PAX5: variants seen among roughly 807,000 people sequenced by gnomAD.
PAX5 encodes the protein paired box protein Pax-5.
Under a neutral mutation model 43.7 loss-of-function variants are expected in PAX5, and 9 were observed. That is an observed-to-expected ratio of 0.21 (90% CI 0.12 to 0.36). The LOEUF (loss-of-function observed/expected upper bound fraction) is 0.36, where lower values mean the gene tolerates loss of function less well. Ranked by LOEUF, PAX5 falls within the 10% of genes least tolerant of loss-of-function variation. The pLI, the probability that PAX5 is intolerant of heterozygous loss-of-function variation, is 1.00. For missense variants in PAX5, 383 were observed against 532.7 expected (o/e 0.72, Z 2.77); for synonymous variants, 228 against 214.3 (o/e 1.06, Z -0.56).
At chr9:36,894,448 G>A (rs1563940556) in intron 7 of PAX5, among the ~76,000 whole-genome samples, 2 of 152,206 alleles carry the variant, frequency 1.3e-5, no homozygotes, top group Admixed American at 6.5e-5. Flanking sequence ...TTCTGGATTT[G>A]GGGATGTGAA....
chr9:36,917,218 G>A (rs1829795444), intron 7 of PAX5, among the ~76,000 whole-genome samples: 1 of 152,120 alleles, frequency 6.6e-6, no homozygotes, highest in East Asian at 1.9e-4. Flanking sequence ...TCCTGCTTGG[G>A]CCTAACAAAG....
intron 1 of PAX5, among the ~76,000 whole-genome samples, chr9:37,030,920 A>G (rs1840921648): frequency 6.6e-6 from 1 of 152,252 alleles, no homozygotes; most frequent in South Asian, 2.1e-4. Context: ...TCAGTTCTGG[A>G]AAGATCAGGG....
intron 8 of PAX5, among the ~76,000 whole-genome samples, chr9:36,854,946 C>A (rs1245181030): frequency 6.6e-6 from 1 of 152,236 alleles, no homozygotes; most frequent in Non-Finnish European, 1.5e-5. Context: ...CCCCAGGGAG[C>A]CTGGCGTGGA....
chr9:37,002,288 G>A (rs1042524586), intron 5 of PAX5, among the ~76,000 whole-genome samples: 2 of 152,160 alleles, frequency 1.3e-5, no homozygotes, highest in Non-Finnish European at 2.9e-5. Flanking sequence ...CCACAAAGTG[G>A]ACTTGGGTGT....
At chr9:36,991,495 T>C (rs1836934673) in intron 5 of PAX5, among the ~76,000 whole-genome samples, 1 of 151,874 alleles carries the variant, frequency 6.6e-6, no homozygotes, top group Non-Finnish European at 1.5e-5. Context: ...CCCAGAAAGG[T>C]TTATATCAAG....
At chr9:36,860,328 C>T (rs1448572514) in intron 8 of PAX5, among the ~76,000 whole-genome samples, 1 of 149,038 alleles carries the variant, frequency 6.7e-6, no homozygotes, top group Non-Finnish European at 1.5e-5. Flanking sequence ...CAGAGCAAGA[C>T]TGTCTCAAAA....
chr9:36,846,350 C>G (rs1176568788), intron 9 of PAX5, among the ~76,000 whole-genome samples: 7 of 152,202 alleles, frequency 4.6e-5, no homozygotes, highest in Admixed American at 4.6e-4. Context: ...CAACCAGGTT[C>G]TAACAGAGCC....
At chr9:37,025,046 G>A (rs1355358138) in intron 1 of PAX5, among the ~76,000 whole-genome samples, 1 of 152,212 alleles carries the variant, frequency 6.6e-6, no homozygotes, top group Non-Finnish European at 1.5e-5. Flanking sequence ...CCAGAGCCAG[G>A]CTGGAGTCCG....
intron 8 of PAX5, among the ~76,000 whole-genome samples, chr9:36,860,468 C>T (rs73648143): frequency 0.01 from 1,537 of 152,174 alleles, 26 homozygotes; most frequent in African/African-American, 0.035. Flanking sequence ...TCCAAGGTGA[C>T]GCCAATGTAC....
intron 9 of PAX5, among the ~76,000 whole-genome samples, chr9:36,841,418 C>T (rs1426071510): frequency 6.6e-6 from 1 of 152,280 alleles, no homozygotes; most frequent in Non-Finnish European, 1.5e-5. Context: ...CACCCTCACC[C>T]CTTTTCCCAT....
intron 8 of PAX5, among the ~76,000 whole-genome samples, chr9:36,881,627 T>A (rs1477743619): frequency 6.6e-6 from 1 of 150,744 alleles, no homozygotes; most frequent in Non-Finnish European, 1.5e-5. Flanking sequence ...TGCTTGTTCG[T>A]GTCACACGAT....
chr9:36,911,455 C>T (rs1467594224), intron 7 of PAX5, among the ~76,000 whole-genome samples: 2 of 152,196 alleles, frequency 1.3e-5, no homozygotes, highest in East Asian at 1.9e-4. Context: ...GCCACACGCC[C>T]GGCCCACAGA....
intron 6 of PAX5, among the ~76,000 whole-genome samples, chr9:36,927,519 C>T (rs189513163): frequency 4.6e-5 from 7 of 152,280 alleles, no homozygotes; most frequent in African/African-American, 1.7e-4. Flanking sequence ...TTTGGATCAT[C>T]TTTTTAAGAC....
rs58220286 is a variant in PAX5 at position 36,920,803 on chromosome 9, CTTTT to C, written c.910+2548_910+2551del. ...CTCAACCTGTATAGTATAGACATAG[CTTTT>C]TTTTTTTTTTTTTTTTTTTTTTTGA... On this transcript the variant is annotated intron_variant, in intron 7 of 9. Coordinates refer to ENST00000358127, the MANE Select transcript of PAX5 (RefSeq NM_016734.3). Among the ~76,000 whole-genome samples the C allele has an allele frequency of 2.7e-3, 247 of 91,238 alleles. 1 individual carries two copies. The highest frequency in any genetic ancestry group is 8.7e-3 in the African/African-American group (234 of 26,994). 59.9% of individuals were successfully genotyped at this position (91,238 alleles called of 152,430 possible). A position where few individuals can be genotyped will look rare whatever the true frequency, so the allele number is the denominator to read the frequency against.
intron 5 of PAX5, among the ~76,000 whole-genome samples, chr9:36,970,618 AG>A (rs1210138536): frequency 1.3e-5 from 2 of 152,094 alleles, no homozygotes; most frequent in Non-Finnish European, 2.9e-5. Context: ...CAGGGGAGGT[AG>A]GAGCTTGCAT....
At chr9:36,894,979 G>A (rs573955590) in intron 7 of PAX5, among the ~76,000 whole-genome samples, 2 of 152,370 alleles carry the variant, frequency 1.3e-5, no homozygotes, top group Non-Finnish European at 2.9e-5. Context: ...TAAGGGAGGA[G>A]GAAGGGGAAC....
rs189242780 is a variant in PAX5 at position 36,840,117 on chromosome 9, G to A, written c.*443C>T. ...ACCAAGAGTGCGAGATGCATCATGG[G>A]TGGAGCAGTCTTCTCAGTCGGACCT... On this transcript the variant is annotated 3_prime_UTR_variant, in exon 10 of 10. Coordinates refer to ENST00000358127, the MANE Select transcript of PAX5 (RefSeq NM_016734.3). The A allele has an allele frequency of 4.1e-5, 15 of 367,922 alleles. No homozygotes were observed. The East Asian group carries it at 7.3e-4, about 18-fold the overall frequency. 22.8% of individuals were successfully genotyped at this position (367,922 alleles called of 1,614,324 possible).
intron 8 of PAX5, among the ~76,000 whole-genome samples, chr9:36,855,241 G>C (rs1439005605): frequency 6.6e-6 from 1 of 152,226 alleles, no homozygotes; most frequent in Non-Finnish European, 1.5e-5. Flanking sequence ...ACAATTGATC[G>C]GCTCCTGGTG....
intron 5 of PAX5, among the ~76,000 whole-genome samples, chr9:36,998,819 G>A (rs1837614452): frequency 1.3e-5 from 2 of 152,116 alleles, no homozygotes; most frequent in Admixed American, 1.3e-4. Flanking sequence ...AAACTTGGCA[G>A]CAAAAATAAG....
Sources: allele counts gnomAD v4.1 joint callset (sites outside exome capture counted in the v4.1 genomes callset), GRCh38; gene constraint gnomAD v4.1.1; transcripts MANE v1.5; gene names NCBI Gene and HGNC (gene_info 2026-07-23, HGNC 2026-07-21).